The following SCARA3 variants were observed in gnomAD, a reference collection of about 807,000 sequenced individuals.
SCARA3 encodes scavenger receptor class A member 3, also known as cellular stress response gene protein.
A neutral mutation model predicts 47.0 loss-of-function variants in SCARA3; 39 were observed. The observed-to-expected ratio is 0.83, with a 90% CI of 0.64 to 1.08. The LOEUF (loss-of-function observed/expected upper bound fraction) is 1.08. Among genes scored for constraint, SCARA3 ranks in the 50% least tolerant of loss-of-function variants. The pLI is 0.00. For synonymous variants in SCARA3, 356 were observed against 334.1 expected, an observed-to-expected ratio of 1.07 and a Z score of -0.71; for missense variants, 724 against 792.3, an observed-to-expected ratio of 0.91 and a Z score of 1.04.
At chr8:27,675,274 C>T (rs528859801), downstream of SCARA3, among the ~76,000 whole-genome samples, 9 of 152,298 alleles carry the variant, frequency 5.9e-5, no homozygotes, top group East Asian at 5.8e-4. Flanking sequence ...AAAACAGAGC[C>T]GCGGGAGAGG....
chr8:27,693,409 A>G, the SCARA3 span, among the ~76,000 whole-genome samples: 56 of 152,346 alleles, frequency 3.7e-4, no homozygotes, highest in Middle Eastern at 3.4e-3. Flanking sequence ...TAAAATTCCA[A>G]CTTCATAAGT....
chr8:27,674,567 G>A (rs1802233692), downstream of SCARA3, among the ~76,000 whole-genome samples: 1 of 151,998 alleles, frequency 6.6e-6, no homozygotes, highest in African/African-American at 2.4e-5. Context: ...AACTTTCCAG[G>A]GCCAAGGCGA....
rs1161697109 is a variant in SCARA3, at chr8:27,671,429, C to G, written c.*78C>G. On this transcript the variant is annotated 3_prime_UTR_variant, in exon 6 of 6. Transcript: ENST00000301904. ...AGATCCAGGCCCCAGAAAGCCTCAC[C>G]TACAGACAGCTGTGGTCCTCTGATT... 1 of 1,337,782 alleles carries G rather than the reference C, an allele frequency of 7.5e-7. No individual in the cohort carries two copies. 82.9% of individuals were successfully genotyped at this position (1,337,782 alleles called of 1,614,324 possible).
chr8:27,651,012 A>G (rs1330846688), intron 2 of SCARA3, among the ~76,000 whole-genome samples: 1 of 152,178 alleles, frequency 6.6e-6, no homozygotes, highest in South Asian at 2.1e-4. Flanking sequence ...GGCATGAGCT[A>G]CTGTACCCGG....
the SCARA3 span, among the ~76,000 whole-genome samples, chr8:27,710,522 C>T: frequency 6.6e-6 from 1 of 152,222 alleles, no homozygotes; most frequent in East Asian, 1.9e-4. Context: ...CGATTAAGTA[C>T]CCGGATGAAC....
the SCARA3 span, among the ~76,000 whole-genome samples, chr8:27,700,438 C>A: frequency 6.6e-6 from 1 of 151,990 alleles, no homozygotes; most frequent in African/African-American, 2.4e-5. Context: ...GAAACCCTGT[C>A]TCTACTAAAA....
rs1192646084 is a variant in SCARA3, at chr8:27,652,097, T to C, written c.226+470T>C. 4.9e-4 allele frequency among the ~76,000 whole-genome samples: 74 copies of C among 152,346 alleles called. 1 individual carries two copies. The highest frequency in any genetic ancestry group is 4.8e-3 in the Admixed American group (74 of 15,300). On this transcript the variant is annotated intron_variant, in intron 3 of 5. Coordinates refer to ENST00000301904, the MANE Select transcript of SCARA3 (RefSeq NM_016240.3). ...GTTTCTAAAAGTGAGGCTGGATGCC[T>C]ACCTGCAGCAATTTCACCTCCAGTA... is the stretch of plus-strand genomic sequence containing the variant.
At chr8:27,679,437 A>G (rs890969193), downstream of SCARA3, among the ~76,000 whole-genome samples, 40 of 152,338 alleles carry the variant, frequency 2.6e-4, no homozygotes, top group South Asian at 6.2e-4. Context: ...TTCACTTCTC[A>G]TAAGTCAAAA....
chr8:27,649,866 G>A, intron 2 of SCARA3, 66 bp downstream of exon 2: 11 of 1,358,774 alleles, frequency 8.1e-6, no homozygotes, highest in Non-Finnish European at 1.1e-5. Flanking sequence ...CCATCCCCAG[G>A]CCAGTGAGAG....
At chr8:27,664,142 A>G (rs1330565294) in intron 5 of SCARA3, among the ~76,000 whole-genome samples, 1 of 152,230 alleles carries the variant, frequency 6.6e-6, no homozygotes, top group African/African-American at 2.4e-5. Flanking sequence ...GTCCCCTGAC[A>G]TGGTAACGGA....
the SCARA3 span, among the ~76,000 whole-genome samples, chr8:27,712,301 T>C: frequency 3.9e-5 from 6 of 152,140 alleles, no homozygotes; most frequent in Non-Finnish European, 5.9e-5. Context: ...CGGTGGCTCA[T>C]GCCTGTAATC....
the SCARA3 span, among the ~76,000 whole-genome samples, chr8:27,720,813 C>T: frequency 6.6e-6 from 1 of 151,858 alleles, no homozygotes; most frequent in African/African-American, 2.4e-5. Context: ...TCTATCCATT[C>T]GTCCAGCCTT....
At chr8:27,654,972 GA>G (rs927972338) in intron 3 of SCARA3, among the ~76,000 whole-genome samples, 6 of 152,158 alleles carry the variant, frequency 3.9e-5, no homozygotes, top group African/African-American at 1.4e-4. Flanking sequence ...TAATTGTAGG[GA>G]GGCTCAAATG....
At chr8:27,714,851 G>A in the SCARA3 span, among the ~76,000 whole-genome samples, 1 of 152,144 alleles carries the variant, frequency 6.6e-6, no homozygotes. Flanking sequence ...TATACATACA[G>A]GCTCTTTTGT....
chr8:27,651,396 T>G, intron 2 of SCARA3, 112 bp from the exon 3 acceptor site: 65 of 1,323,692 alleles, frequency 4.9e-5, no homozygotes, highest in Middle Eastern at 2.7e-4. Flanking sequence ...GCTCCCCTTC[T>G]GAGCCTGGTT....
the SCARA3 span, among the ~76,000 whole-genome samples, chr8:27,726,201 G>A: frequency 2.0e-5 from 3 of 152,188 alleles, no homozygotes; most frequent in East Asian, 1.9e-4. Flanking sequence ...GAGCCCAGGA[G>A]TTCAAGACCA....
chr8:27,671,462 G>T lies in SCARA3; in HGVS notation c.*111G>T, dbSNP rs752847074. On this transcript the variant is annotated 3_prime_UTR_variant, in exon 6 of 6. Transcript: ENST00000301904. ...AGCTGTGGTCCTCTGATTCCAATGAGGGGGCTCCCCAGGGCTGACCCTGCA... is the reference window on the plus strand; with the variant it reads ...AGCTGTGGTCCTCTGATTCCAATGATGGGGCTCCCCAGGGCTGACCCTGCA... The T allele has an allele frequency of 2.3e-6, 3 of 1,320,876 alleles. No individual in the cohort carries two copies. The highest frequency in any genetic ancestry group is 2.9e-6 in the Non-Finnish European group (3 of 1,041,054). The allele number at this position is 1,320,876 out of a possible 1,614,324, so 81.8% of individuals were successfully genotyped here.
chr8:27,726,252 A>T, the SCARA3 span, among the ~76,000 whole-genome samples: 1 of 152,156 alleles, frequency 6.6e-6, no homozygotes, highest in Non-Finnish European at 1.5e-5. Flanking sequence ...CACAATTTTT[A>T]AAAATTAGCT....
chr8:27,642,893 T>C (rs929036796), intron 1 of SCARA3, among the ~76,000 whole-genome samples: 3 of 151,696 alleles, frequency 2.0e-5, no homozygotes, highest in Non-Finnish European at 4.4e-5. Flanking sequence ...TCTGAATTCA[T>C]GGGGTTCAGG....
Sources: allele counts gnomAD v4.1 joint callset (sites outside exome capture counted in the v4.1 genomes callset), GRCh38; gene constraint gnomAD v4.1.1; transcripts MANE v1.5; gene names NCBI Gene and HGNC (gene_info 2026-07-23, HGNC 2026-07-21).